The following PRELID2 variants were observed in gnomAD, a reference collection of about 807,000 sequenced individuals.
PRELID2 encodes the protein PRELI domain containing 2.
In PRELID2, 25 loss-of-function variants were observed where a neutral mutation model predicts 28.4. The observed-to-expected ratio is 0.88, with a 90% CI of 0.64 to 1.23. The LOEUF is 1.23. Ranked by LOEUF, PRELID2 falls within the 50% of genes most tolerant of loss-of-function variation. PRELID2 has a pLI of 0.00. For missense variants in PRELID2, 201 were observed against 214.4 expected, an observed-to-expected ratio of 0.94 and a Z score of 0.39; for synonymous variants, 76 against 71.6, an observed-to-expected ratio of 1.06 and a Z score of -0.31.
intron 2 of PRELID2, among the ~76,000 whole-genome samples, chr5:145,472,792 C>T (rs976854637): frequency 6.6e-6 from 1 of 152,106 alleles, no homozygotes; most frequent in Admixed American, 6.6e-5. Flanking sequence ...AGGTGTAAAT[C>T]CCTCAAAAAC....
chr5:145,358,585 G>A, the PRELID2 span, among the ~76,000 whole-genome samples: 1 of 152,090 alleles, frequency 6.6e-6, no homozygotes, highest in African/African-American at 2.4e-5. Flanking sequence ...TAGTCTCATG[G>A]ATAAGAGGGT....
intron 1 of PRELID2, among the ~76,000 whole-genome samples, chr5:145,559,498 C>T (rs946802188): frequency 1.3e-5 from 2 of 152,150 alleles, no homozygotes; most frequent in African/African-American, 2.4e-5. Flanking sequence ...TATATGTGCA[C>T]ATACACATGC....
chr5:145,485,341 T>C (rs1173591291), intron 1 of PRELID2, among the ~76,000 whole-genome samples: 2 of 152,186 alleles, frequency 1.3e-5, no homozygotes, highest in South Asian at 2.1e-4. Flanking sequence ...CATATGTATA[T>C]CTGACAATTT....
chr5:145,751,799 T>C (rs1411813518), downstream of PRELID2, among the ~76,000 whole-genome samples: 3 of 152,110 alleles, frequency 2.0e-5, no homozygotes, highest in Admixed American at 6.5e-5. Context: ...CTGGCCAACA[T>C]GGTGAAACCC....
intron 1 of PRELID2, among the ~76,000 whole-genome samples, chr5:145,619,734 C>T (rs1001719654): frequency 4.6e-5 from 7 of 152,152 alleles, no homozygotes; most frequent in Non-Finnish European, 8.8e-5. Context: ...ACCATGATGC[C>T]TCCTCAACAT....
chr5:145,722,624 G>A (rs1410838009), intron 1 of PRELID2, among the ~76,000 whole-genome samples: 1 of 152,060 alleles, frequency 6.6e-6, no homozygotes, highest in Admixed American at 6.6e-5. Flanking sequence ...TCAGCCTCCT[G>A]AGTAGCTGGG....
At chr5:145,309,285 A>C in the PRELID2 span, among the ~76,000 whole-genome samples, 1 of 152,172 alleles carries the variant, frequency 6.6e-6, no homozygotes, top group African/African-American at 2.4e-5. Context: ...ACAGTATTCC[A>C]AGGAGAATTG....
chr5:145,285,532 T>G, the PRELID2 span, among the ~76,000 whole-genome samples: 1 of 152,294 alleles, frequency 6.6e-6, no homozygotes, highest in Non-Finnish European at 1.5e-5. Flanking sequence ...TGTGGTACAT[T>G]TTAAACAATC....
At chr5:145,691,493 CAGG>C (rs1755148768) in intron 1 of PRELID2, among the ~76,000 whole-genome samples, 1 of 152,092 alleles carries the variant, frequency 6.6e-6, no homozygotes, top group African/African-American at 2.4e-5. Context: ...ATCACGAGGT[CAGG>C]AGATCGAGAC....
the PRELID2 span, among the ~76,000 whole-genome samples, chr5:145,333,989 T>C: frequency 1.3e-5 from 2 of 152,158 alleles, no homozygotes; most frequent in Non-Finnish European, 2.9e-5. Context: ...AAATGCACTC[T>C]TCCACATAGC....
At chr5:145,255,633 T>C in the PRELID2 span, among the ~76,000 whole-genome samples, 2 of 151,206 alleles carry the variant, frequency 1.3e-5, no homozygotes, top group African/African-American at 4.9e-5. Context: ...AAAAAGAAAC[T>C]GGCAAGGCAT....
intron 1 of PRELID2, among the ~76,000 whole-genome samples, chr5:145,679,663 C>T (rs1442369734): frequency 1.3e-5 from 2 of 151,834 alleles, no homozygotes; most frequent in Non-Finnish European, 2.9e-5. Context: ...AATTGTGAAG[C>T]TAATGGTGAT....
At chr5:145,315,793 A>G in the PRELID2 span, among the ~76,000 whole-genome samples, 1 of 152,186 alleles carries the variant, frequency 6.6e-6, no homozygotes, top group East Asian at 1.9e-4. Context: ...GAAAATGGTA[A>G]TAGGTGGAGG....
the PRELID2 span, among the ~76,000 whole-genome samples, chr5:145,349,324 T>G: frequency 6.6e-6 from 1 of 152,170 alleles, no homozygotes; most frequent in African/African-American, 2.4e-5. Context: ...GACTTTGCTG[T>G]TTTGAGATTT....
the PRELID2 span, among the ~76,000 whole-genome samples, chr5:145,349,817 T>A: frequency 6.6e-6 from 1 of 152,218 alleles, no homozygotes; most frequent in Non-Finnish European, 1.5e-5. Context: ...ACTACAGTAA[T>A]AAGGAATACT....
chr5:145,391,791 C>G, the PRELID2 span, among the ~76,000 whole-genome samples: 1 of 151,772 alleles, frequency 6.6e-6, no homozygotes, highest in Non-Finnish European at 1.5e-5. Flanking sequence ...CACCAGATAC[C>G]CTAAATCATC....
At chr5:145,640,964 G>C (rs1471186052) in intron 1 of PRELID2, among the ~76,000 whole-genome samples, 2 of 152,106 alleles carry the variant, frequency 1.3e-5, no homozygotes, top group Non-Finnish European at 2.9e-5. Flanking sequence ...TCTCAATGTT[G>C]TAAAATAAAT....
the PRELID2 span, among the ~76,000 whole-genome samples, chr5:145,321,168 T>C: frequency 6.6e-6 from 1 of 152,232 alleles, no homozygotes. Context: ...GCTGTGTTAG[T>C]AATTGACATT....
At chr5:145,703,479 CCA>C (rs1298387497) in intron 1 of PRELID2, among the ~76,000 whole-genome samples, 2 of 152,146 alleles carry the variant, frequency 1.3e-5, no homozygotes, top group Non-Finnish European at 2.9e-5. Context: ...CAGTTTCAAG[CCA>C]CACATGCTAA....
Sources: gnomAD v4.1 joint callset for allele counts (sites outside exome capture counted in the v4.1 genomes callset) on GRCh38, gnomAD v4.1.1 for gene constraint, MANE v1.5 for transcripts, NCBI Gene and HGNC (gene_info 2026-07-23, HGNC 2026-07-21) for gene names.